ANO3: variants seen among roughly 807,000 people sequenced by gnomAD.
ANO3 encodes anoctamin-3.
In ANO3, 99 loss-of-function variants were observed where a neutral mutation model predicts 144.8. The ratio of observed to expected loss-of-function variants is 0.68; its 90% CI spans 0.58 to 0.81. ANO3 has a LOEUF of 0.81. ANO3 is among the 30% of genes least tolerant of loss of function. The pLI, the probability that ANO3 is intolerant of heterozygous loss-of-function variation, is 0.00. For missense variants in ANO3, 905 were observed against 1,202.2 expected, an observed-to-expected ratio of 0.75 and a Z score of 3.66; for synonymous variants, 414 against 392.6, an observed-to-expected ratio of 1.05 and a Z score of -0.64.
intron 23 of ANO3, 92 bp from the exon 24 acceptor site, chr11:26,647,617 C>A: frequency 8.0e-7 from 1 of 1,252,552 alleles, no homozygotes; most frequent in Non-Finnish European, 1.1e-6. Context: ...GTGGTTCCAA[C>A]ATAAGTAAAA....
chr11:26,230,683 G>A (rs1852371594), intron 1 of ANO3, among the ~76,000 whole-genome samples: 1 of 150,792 alleles, frequency 6.6e-6, no homozygotes, highest in Non-Finnish European at 1.5e-5. Context: ...TGTGATCCCA[G>A]CTAATCAGGA....
intron 1 of ANO3, among the ~76,000 whole-genome samples, chr11:26,312,457 A>C (rs957692127): frequency 6.6e-6 from 1 of 152,212 alleles, no homozygotes; most frequent in Admixed American, 6.5e-5. Context: ...TTACAGTCCC[A>C]CCAACAGTGT....
chr11:26,653,429 A>G (rs1853592363), intron 24 of ANO3, among the ~76,000 whole-genome samples: 1 of 151,794 alleles, frequency 6.6e-6, no homozygotes, highest in African/African-American at 2.4e-5. Context: ...TACCACTTCC[A>G]CTGCCACCAC....
intron 1 of ANO3, among the ~76,000 whole-genome samples, chr11:26,218,772 A>G (rs1852083851): frequency 6.6e-6 from 1 of 152,192 alleles, no homozygotes; most frequent in African/African-American, 2.4e-5. Context: ...GGGAAAAAAT[A>G]TAAAAGCCTG....
rs566971015 is a variant in ANO3, at chr11:26,582,626, T to G, written c.1448-15739T>G. The stretch of plus-strand genomic sequence containing the variant: ...AGCAAGGTGTCAGTCCTGAATATAC[T>G]GCTCAAGAAAACATACTTTGGATAG... On this transcript the variant is annotated intron_variant, in intron 14 of 26. Coordinates refer to ENST00000256737, the MANE Select transcript of ANO3 (RefSeq NM_031418.4). 6.6e-5 allele frequency among the ~76,000 whole-genome samples: 10 copies of G among 152,344 alleles called. No individual in the cohort carries two copies. The East Asian group carries it at 1.7e-3, about 26-fold the overall frequency.
intron 5 of ANO3, among the ~76,000 whole-genome samples, chr11:26,515,349 T>G (rs1320662212): frequency 6.6e-6 from 1 of 151,704 alleles, no homozygotes; most frequent in African/African-American, 2.4e-5. Flanking sequence ...GGATATTTTT[T>G]TAGCAAATGC....
chr11:26,259,394 A>G (rs867167643), intron 1 of ANO3, among the ~76,000 whole-genome samples: 12 of 152,154 alleles, frequency 7.9e-5, no homozygotes, highest in African/African-American at 2.9e-4. Flanking sequence ...TCACGCCTAT[A>G]ATTCCACCTC....
At chr11:26,371,471 C>T (rs1431709746) in intron 1 of ANO3, among the ~76,000 whole-genome samples, 1 of 152,174 alleles carries the variant, frequency 6.6e-6, no homozygotes, top group African/African-American at 2.4e-5. Flanking sequence ...CTGGGGAAAG[C>T]CTAGTGGAGC....
intron 17 of ANO3, among the ~76,000 whole-genome samples, chr11:26,604,147 C>T (rs1335713137): frequency 1.3e-5 from 2 of 151,868 alleles, no homozygotes; most frequent in Non-Finnish European, 2.9e-5. Flanking sequence ...ATGATATGAA[C>T]TCATTTATTG....
At chr11:26,523,910 G>A (rs1045720933) in intron 6 of ANO3, among the ~76,000 whole-genome samples, 4 of 151,998 alleles carry the variant, frequency 2.6e-5, no homozygotes, top group African/African-American at 9.7e-5. Flanking sequence ...AATTACAGTT[G>A]TAAACATTAT....
chr11:26,611,699 T>A (rs1371719111), intron 17 of ANO3, among the ~76,000 whole-genome samples: 1 of 152,136 alleles, frequency 6.6e-6, no homozygotes, highest in Non-Finnish European at 1.5e-5. Context: ...CTGTTGAGGG[T>A]GGGGTGTTGA....
chr11:26,206,753 GCTGGT>G, intron 1 of ANO3, among the ~76,000 whole-genome samples: 1 of 152,132 alleles, frequency 6.6e-6, no homozygotes, highest in Non-Finnish European at 1.5e-5. Context: ...GAAACATTAA[GCTGGT>G]CATTGAGCAG....
At chr11:26,352,647 T>G (rs1855677543) in intron 1 of ANO3, among the ~76,000 whole-genome samples, 1 of 152,220 alleles carries the variant, frequency 6.6e-6, no homozygotes, top group Non-Finnish European at 1.5e-5. Context: ...GACTTTTCCT[T>G]CTTTCATTTT....
intron 4 of ANO3, among the ~76,000 whole-genome samples, chr11:26,479,478 C>T (rs1218548648): frequency 1.3e-5 from 2 of 152,016 alleles, no homozygotes; most frequent in Non-Finnish European, 2.9e-5. Flanking sequence ...TCACGGAAGG[C>T]AAATGAGGAG....
intron 1 of ANO3, among the ~76,000 whole-genome samples, chr11:26,363,492 C>T (rs1192537618): frequency 6.6e-6 from 1 of 152,042 alleles, no homozygotes; most frequent in Non-Finnish European, 1.5e-5. Flanking sequence ...TCTGTGTATG[C>T]ACATCCCTTG....
chr11:26,442,470 T>A (rs1429312146), intron 2 of ANO3, among the ~76,000 whole-genome samples: 2 of 152,184 alleles, frequency 1.3e-5, no homozygotes, highest in Non-Finnish European at 2.9e-5. Flanking sequence ...AGTAATAAAC[T>A]GTTTTCTAAA....
At chr11:26,429,021 G>A (rs937573910) in intron 1 of ANO3, among the ~76,000 whole-genome samples, 69 of 152,166 alleles carry the variant, frequency 4.5e-4, no homozygotes, top group Non-Finnish European at 1.0e-4. Context: ...GGGCACAGCC[G>A]TGGCTCACTG....
intron 1 of ANO3, among the ~76,000 whole-genome samples, chr11:26,371,775 CTTT>C (rs36016526): frequency 6.6e-6 from 1 of 152,182 alleles, no homozygotes; most frequent in Non-Finnish European, 1.5e-5. Context: ...GGCCTATGGC[CTTT>C]TTGTTTTGGC....
At chr11:26,377,387 A>G (rs1054110532) in intron 1 of ANO3, among the ~76,000 whole-genome samples, 3 of 152,154 alleles carry the variant, frequency 2.0e-5, no homozygotes, top group African/African-American at 7.2e-5. Context: ...AAAAGGAACC[A>G]CATGAGCATA....
Sources: gnomAD v4.1 joint callset for allele counts (sites outside exome capture counted in the v4.1 genomes callset) on GRCh38, gnomAD v4.1.1 for gene constraint, MANE v1.5 for transcripts, NCBI Gene and HGNC (gene_info 2026-07-23, HGNC 2026-07-21) for gene names.